Variants in MAPK8 observed in about 807,000 individuals in gnomAD.
The protein encoded by MAPK8 is JUN N-terminal kinase.
In MAPK8, 13 loss-of-function variants were observed where a neutral mutation model predicts 52.9. The observed-to-expected ratio is 0.25, with a 90% CI of 0.16 to 0.39. The LOEUF is 0.39. Among genes scored for constraint, MAPK8 ranks in the 10% least tolerant of loss-of-function variants. MAPK8 has a pLI of 1.00. For missense variants in MAPK8, 300 were observed against 519.2 expected, an observed-to-expected ratio of 0.58 and a Z score of 4.10; for synonymous variants, 191 against 169.8, an observed-to-expected ratio of 1.12 and a Z score of -0.97.
At chr10:48,380,339 CTG>C (rs1275824351) in intron 1 of MAPK8, among the ~76,000 whole-genome samples, 26 of 152,200 alleles carry the variant, frequency 1.7e-4, no homozygotes, top group Admixed American at 3.3e-4. Context: ...ATCAATACAA[CTG>C]TAACTCAAAG....
chr10:48,313,417 A>C (rs573735651), intron 1 of MAPK8, among the ~76,000 whole-genome samples: 1 of 36 alleles, frequency 0.028, no homozygotes, highest in Admixed American at 0.17. Context: ...TGGGCGGCAG[A>C]GGTGTAGACT....
intron 1 of MAPK8, among the ~76,000 whole-genome samples, chr10:48,325,438 A>C (rs1183586940): frequency 6.6e-6 from 1 of 152,236 alleles, no homozygotes; most frequent in African/African-American, 2.4e-5. Flanking sequence ...AAAAAGTGGC[A>C]CATAACTTTC....
chr10:48,346,268 G>C (rs1845761956), intron 1 of MAPK8, among the ~76,000 whole-genome samples: 1 of 152,188 alleles, frequency 6.6e-6, no homozygotes, highest in African/African-American at 2.4e-5. Context: ...TTAGTTTGTA[G>C]CAATTACTTT....
intron 1 of MAPK8, among the ~76,000 whole-genome samples, chr10:48,353,851 T>C (rs970687050): frequency 6.6e-6 from 1 of 152,198 alleles, no homozygotes; most frequent in African/African-American, 2.4e-5. Context: ...ACAGATTAGT[T>C]GTTGCCAGGG....
At chr10:48,358,482 G>C (rs541948728) in intron 1 of MAPK8, among the ~76,000 whole-genome samples, 3 of 152,138 alleles carry the variant, frequency 2.0e-5, no homozygotes, top group African/African-American at 7.2e-5. Flanking sequence ...TTGTTGAATT[G>C]TAAGAGTTCT....
At chr10:48,330,822 C>T (rs2132248185) in intron 1 of MAPK8, among the ~76,000 whole-genome samples, 1 of 152,256 alleles carries the variant, frequency 6.6e-6, no homozygotes, top group South Asian at 2.1e-4. Flanking sequence ...TTTCAATTTC[C>T]CAATAGCAAA....
At chr10:48,331,266 A>C (rs2132252119) in intron 1 of MAPK8, among the ~76,000 whole-genome samples, 1 of 152,298 alleles carries the variant, frequency 6.6e-6, no homozygotes, top group East Asian at 1.9e-4. Flanking sequence ...GGCAGGCATC[A>C]AATCTTACAG....
At chr10:48,314,738 C>G (rs1359527135) in intron 1 of MAPK8, among the ~76,000 whole-genome samples, 1 of 152,086 alleles carries the variant, frequency 6.6e-6, no homozygotes, top group African/African-American at 2.4e-5. Context: ...TTTGAACTGT[C>G]CTTGTCTTTG....
intron 1 of MAPK8, among the ~76,000 whole-genome samples, chr10:48,358,819 T>G (rs1417685551): frequency 6.6e-6 from 1 of 152,232 alleles, no homozygotes; most frequent in African/African-American, 2.4e-5. Context: ...ATGTATTCTT[T>G]GTGCATGTTG....
At chr10:48,377,528 A>T (rs1044861443) in intron 1 of MAPK8, among the ~76,000 whole-genome samples, 3 of 152,134 alleles carry the variant, frequency 2.0e-5, no homozygotes, top group Non-Finnish European at 4.4e-5. Context: ...TAATTTGCGC[A>T]GAAGGAATTG....
intron 1 of MAPK8, among the ~76,000 whole-genome samples, chr10:48,351,544 G>A (rs11101299): frequency 6.6e-6 from 1 of 151,676 alleles, no homozygotes; most frequent in South Asian, 2.1e-4. Flanking sequence ...TCAAGACAGT[G>A]CTTCAACAAG....
chr10:48,391,243 CATTA>C lies in MAPK8; in HGVS notation c.-49-10365_-49-10362del, dbSNP rs1020651552. Reference sequence around the variant, plus strand: ...CAGTATTTCCATACTTTTGGTTGCACATTAATTCTTTTGAGCCTCAGATTATTCC... The same window carrying C: ...CAGTATTTCCATACTTTTGGTTGCACATTCTTTTGAGCCTCAGATTATTCC... On this transcript the variant is annotated intron_variant, in intron 1 of 11. Coordinates refer to ENST00000374189, the MANE Select transcript of MAPK8 (RefSeq NM_001323329.2). 4.9e-4 allele frequency among the ~76,000 whole-genome samples: 74 copies of C among 152,174 alleles called. 1 individual carries two copies. Among genetic ancestry groups the C allele is most frequent in the African/African-American group, 1.7e-3 (71 of 41,446 alleles).
intron 7 of MAPK8, 76 bp downstream of exon 7, chr10:48,424,235 C>G (rs1167318284): frequency 7.7e-7 from 1 of 1,306,964 alleles, no homozygotes; most frequent in Non-Finnish European, 1.1e-6. Context: ...AATGAATATG[C>G]TACATTTACA....
intron 1 of MAPK8, among the ~76,000 whole-genome samples, chr10:48,354,773 T>G (rs762024035): frequency 2.1e-4 from 32 of 151,946 alleles, no homozygotes; most frequent in Non-Finnish European, 4.0e-4. Flanking sequence ...CAGTGCGAAT[T>G]TAACGCTGTG....
intron 10 of MAPK8, among the ~76,000 whole-genome samples, chr10:48,427,810 T>A (rs1021506332): frequency 3.0e-4 from 46 of 152,220 alleles, no homozygotes; most frequent in African/African-American, 9.9e-4. Flanking sequence ...TCTGGAAGGT[T>A]ATTCTCTTTT....
intron 1 of MAPK8, among the ~76,000 whole-genome samples, chr10:48,373,819 G>C (rs1054213669): frequency 6.6e-6 from 1 of 152,044 alleles, no homozygotes; most frequent in African/African-American, 2.4e-5. Flanking sequence ...ACACCCCACT[G>C]TCAATATTAG....
chr10:48,396,436 T>C (rs2041891164), intron 1 of MAPK8, among the ~76,000 whole-genome samples: 1 of 152,168 alleles, frequency 6.6e-6, no homozygotes, highest in South Asian at 2.1e-4. Context: ...TTAAAAGTAC[T>C]GGCAAAACGA....
intron 3 of MAPK8, among the ~76,000 whole-genome samples, chr10:48,406,477 T>C (rs2042478071): frequency 6.6e-6 from 1 of 152,198 alleles, no homozygotes. Context: ...TGACTAAGCA[T>C]GTCTCACATG....
At chr10:48,387,628 T>C (rs2041392572) in intron 1 of MAPK8, among the ~76,000 whole-genome samples, 2 of 152,166 alleles carry the variant, frequency 1.3e-5, no homozygotes, top group African/African-American at 4.8e-5. Context: ...TCTTGACAGA[T>C]AAAATGACAG....
Sources: allele counts gnomAD v4.1 joint callset (sites outside exome capture counted in the v4.1 genomes callset), GRCh38; gene constraint gnomAD v4.1.1; transcripts MANE v1.5; gene names NCBI Gene and HGNC (gene_info 2026-07-23, HGNC 2026-07-21).